The following FUT8 variants were observed in gnomAD, a reference collection of about 807,000 sequenced individuals.
The protein encoded by FUT8 is fucosyltransferase 8.
In FUT8, 29 loss-of-function variants were observed where a neutral mutation model predicts 71.3. That is an observed-to-expected ratio of 0.41 (90% confidence interval 0.30 to 0.55). FUT8 has a LOEUF of 0.55. Among genes scored for constraint, FUT8 ranks in the 20% least tolerant of loss-of-function variants. The probability of loss-of-function intolerance (pLI) is 0.34; values close to 1 mark genes in which losing one functional copy is unlikely to be tolerated. For missense variants in FUT8, 544 were observed against 702.1 expected (o/e 0.77, Z 2.55); for synonymous variants, 254 against 239.3 (o/e 1.06, Z -0.57).
At chr14:65,541,256 A>G (rs1884662824) in intron 2 of FUT8, among the ~76,000 whole-genome samples, 1 of 152,218 alleles carries the variant, frequency 6.6e-6, no homozygotes, top group South Asian at 2.1e-4. Flanking sequence ...GTCTAGAGAA[A>G]CAGTACCAAT....
upstream of FUT8, among the ~76,000 whole-genome samples, chr14:65,409,824 C>T (rs140488829): frequency 2.8e-3 from 423 of 152,276 alleles, 5 homozygotes; most frequent in African/African-American, 9.6e-3. This position sits in a 1 kb window ranked among gnomAD's most constrained non-coding sequence, Gnocchi z 5.4. Context: ...CAGATCATAA[C>T]GATTGTTCTG....
At chr14:65,619,186 A>G (rs1234588739) in intron 5 of FUT8, among the ~76,000 whole-genome samples, 1 of 152,172 alleles carries the variant, frequency 6.6e-6, no homozygotes, top group Non-Finnish European at 1.5e-5. Flanking sequence ...TAGTAGTAAT[A>G]CTAAGGGCAG....
intron 6 of FUT8, among the ~76,000 whole-genome samples, chr14:65,647,736 G>T (rs185909326): frequency 4.2e-4 from 64 of 152,236 alleles, no homozygotes; most frequent in African/African-American, 1.4e-3. Flanking sequence ...TATGATCTAA[G>T]TAAATGTTGT....
intron 2 of FUT8, among the ~76,000 whole-genome samples, chr14:65,539,195 C>G (rs1566811027): frequency 6.6e-6 from 1 of 152,110 alleles, no homozygotes; most frequent in Non-Finnish European, 1.5e-5. Context: ...GTAGTGTTAC[C>G]TAGGCAATAT....
intron 3 of FUT8, among the ~76,000 whole-genome samples, chr14:65,606,706 T>G (rs1386242432): frequency 6.6e-6 from 1 of 151,938 alleles, no homozygotes; most frequent in Non-Finnish European, 1.5e-5. Context: ...TAAAACTTTG[T>G]TTTGTTTTCT....
At chr14:65,691,611 T>G (rs1393360092) in intron 7 of FUT8, among the ~76,000 whole-genome samples, 1 of 152,132 alleles carries the variant, frequency 6.6e-6, no homozygotes, top group Non-Finnish European at 1.5e-5. Context: ...ATTTATTTAT[T>G]TATTTATTTA....
the FUT8 span, among the ~76,000 whole-genome samples, chr14:65,359,819 C>G: frequency 1.3e-5 from 2 of 152,132 alleles, no homozygotes; most frequent in Non-Finnish European, 1.5e-5. Flanking sequence ...GATTGCATCC[C>G]TGCAAGGCAC....
intron 3 of FUT8, among the ~76,000 whole-genome samples, chr14:65,612,952 C>T (rs966010182): frequency 4.0e-5 from 6 of 151,810 alleles, no homozygotes; most frequent in Non-Finnish European, 7.4e-5. Context: ...AGAGACTGTT[C>T]GTGCATATTG....
intron 1 of FUT8, among the ~76,000 whole-genome samples, chr14:65,449,713 T>C (rs1419309264): frequency 1.3e-5 from 2 of 152,222 alleles, no homozygotes; most frequent in Non-Finnish European, 2.9e-5. Flanking sequence ...AAATTCTTCA[T>C]AGTGAGCAGC....
chr14:65,669,081 A>G lies in FUT8; in HGVS notation c.598-162A>G, dbSNP rs899180803. Reference sequence around the variant, plus strand: ...ATCAAAAAGCTGCATATCACTTACTATGCTGATTACTTGGGGTGTATACCA... The same window carrying G: ...ATCAAAAAGCTGCATATCACTTACTGTGCTGATTACTTGGGGTGTATACCA... On this transcript the variant is annotated intron_variant, in intron 6 of 10. Transcript: ENST00000673929. This position sits in a 1 kb window ranked among gnomAD's most constrained non-coding sequence, Gnocchi z 4.5. Among the ~76,000 whole-genome samples, 8 of 151,942 alleles carry G rather than the reference A, an allele frequency of 5.3e-5. No individual in the cohort carries two copies. Among genetic ancestry groups the G allele is most frequent in the African/African-American group, 1.9e-4 (8 of 41,334 alleles).
intron 3 of FUT8, among the ~76,000 whole-genome samples, chr14:65,578,645 A>T (rs539938495): frequency 2.0e-5 from 3 of 152,320 alleles, no homozygotes; most frequent in African/African-American, 4.8e-5. Flanking sequence ...GGCCCAGGGA[A>T]GCCAAAAGAT....
intron 2 of FUT8, among the ~76,000 whole-genome samples, chr14:65,539,657 G>T (rs1884559542): frequency 6.6e-6 from 1 of 152,198 alleles, no homozygotes; most frequent in South Asian, 2.1e-4. Context: ...TGTTTACTAT[G>T]TGCCAGATTT....
intron 3 of FUT8, among the ~76,000 whole-genome samples, chr14:65,589,920 C>T (rs939795672): frequency 3.9e-5 from 6 of 152,150 alleles, no homozygotes; most frequent in African/African-American, 1.2e-4. Flanking sequence ...CCAAAGAGTA[C>T]AAAAGGGGTA....
intron 3 of FUT8, among the ~76,000 whole-genome samples, chr14:65,576,871 C>T (rs536555847): frequency 3.9e-5 from 6 of 151,942 alleles, no homozygotes; most frequent in Admixed American, 6.6e-5. Context: ...AGGCACGCGT[C>T]GCCATGCCCA....
At chr14:65,714,614 A>G (rs1309377129) in intron 7 of FUT8, among the ~76,000 whole-genome samples, 1 of 151,754 alleles carries the variant, frequency 6.6e-6, no homozygotes, top group African/African-American at 2.4e-5. Flanking sequence ...TTCTATTTCT[A>G]TGAAAAAGTC....
At chr14:65,656,108 G>C (rs1000380385) in intron 6 of FUT8, among the ~76,000 whole-genome samples, 2 of 151,998 alleles carry the variant, frequency 1.3e-5, no homozygotes, top group African/African-American at 4.8e-5. Context: ...TCTAGGTAGA[G>C]TAATCAGACA....
intron 6 of FUT8, among the ~76,000 whole-genome samples, chr14:65,646,851 A>G (rs1296111930): frequency 6.6e-6 from 1 of 152,202 alleles, no homozygotes; most frequent in Non-Finnish European, 1.5e-5. Context: ...TGATTAAAAC[A>G]TATGGATAAG....
chr14:65,627,820 T>C lies in FUT8; in HGVS notation c.483-1672T>C, dbSNP rs893615987. Among the ~76,000 whole-genome samples, 3 of 152,202 alleles carry C rather than the reference T, an allele frequency of 2.0e-5. No individual in the cohort carries two copies. The highest frequency in any genetic ancestry group is 7.2e-5 in the African/African-American group (3 of 41,466). On this transcript the variant is annotated intron_variant, in intron 5 of 10. Coordinates refer to ENST00000673929, the MANE Select transcript of FUT8 (RefSeq NM_001371533.1). This position sits in a 1 kb window ranked among gnomAD's most constrained non-coding sequence, Gnocchi z 4.0. The stretch of plus-strand genomic sequence containing the variant: ...GTTGTTTTCTATCTATTTAGGAGAC[T>C]GCCGTTCCCTGGCACCAGCTGTGAC...
intron 8 of FUT8, among the ~76,000 whole-genome samples, chr14:65,723,281 C>T (rs561028438): frequency 8.7e-4 from 131 of 151,372 alleles, no homozygotes; most frequent in African/African-American, 3.0e-3. Context: ...ACCATAATCA[C>T]GCCACTGCAC....
Sources: gnomAD v4.1 joint callset for allele counts (sites outside exome capture counted in the v4.1 genomes callset) on GRCh38, gnomAD v4.1.1 for gene constraint, Gnocchi (gnomAD v3.1) non-coding constraint, MANE v1.5 for transcripts, NCBI Gene and HGNC (gene_info 2026-07-23, HGNC 2026-07-21) for gene names.